DENND6A: variants seen among roughly 807,000 people sequenced by gnomAD.
The protein encoded by DENND6A is DENN domain containing 6A.
In DENND6A, 43 loss-of-function variants were observed where a neutral mutation model predicts 95.5. The ratio of observed to expected loss-of-function variants is 0.45; its 90% CI spans 0.35 to 0.58. The LOEUF (loss-of-function observed/expected upper bound fraction) is 0.58. Ranked by LOEUF, DENND6A falls within the 20% of genes least tolerant of loss-of-function variation. The pLI is 0.00. For synonymous variants in DENND6A, 257 were observed against 260.4 expected (o/e 0.99, Z 0.13); for missense variants, 574 against 736.0 (o/e 0.78, Z 2.55).
chr3:57,673,836 C>G (rs2071661357), intron 1 of DENND6A, among the ~76,000 whole-genome samples: 2 of 152,182 alleles, frequency 1.3e-5, no homozygotes, highest in African/African-American at 2.4e-5. Context: ...CCTCCACCTC[C>G]CAGGTTCAAG....
intron 11 of DENND6A, among the ~76,000 whole-genome samples, chr3:57,644,478 G>C (rs1031680485): frequency 6.6e-6 from 1 of 150,766 alleles, no homozygotes; most frequent in African/African-American, 2.4e-5. Flanking sequence ...GCTAATTTTT[G>C]TATTTTTTTT....
At chr3:57,667,778 C>T (rs1476433837) in intron 3 of DENND6A, among the ~76,000 whole-genome samples, 2 of 152,096 alleles carry the variant, frequency 1.3e-5, no homozygotes, top group Admixed American at 6.6e-5. Flanking sequence ...TAAATTTGGA[C>T]TTTTAGACCA....
chr3:57,682,652 G>C lies in DENND6A; in HGVS notation c.237+10130C>G, dbSNP rs139995077. Among the ~76,000 whole-genome samples, 400 of 151,988 alleles carry C rather than the reference G, an allele frequency of 2.6e-3. 1 individual carries two copies. The highest frequency in any genetic ancestry group is 9.2e-3 in the African/African-American group (383 of 41,480). The stretch of plus-strand genomic sequence containing the variant: ...CACCAGAAATTTTCACTTAGTCTCT[G>C]GACCACTGACTATATGGTTTTTTTT... On this transcript the variant is annotated intron_variant, in intron 1 of 19. Transcript: ENST00000311128.
intron 3 of DENND6A, among the ~76,000 whole-genome samples, chr3:57,669,711 T>A (rs2071583439): frequency 6.8e-6 from 1 of 146,804 alleles, no homozygotes; most frequent in South Asian, 2.2e-4. Flanking sequence ...CGAGACTCCA[T>A]CTCAAAAAAA....
chr3:57,682,895 C>T (rs2077179041), intron 1 of DENND6A, among the ~76,000 whole-genome samples: 1 of 152,158 alleles, frequency 6.6e-6, no homozygotes, highest in Non-Finnish European at 1.5e-5. Flanking sequence ...CCAGGCTGGT[C>T]TCGGACTCCT....
At chr3:57,669,208 A>G (rs968697947) in intron 3 of DENND6A, among the ~76,000 whole-genome samples, 1 of 152,062 alleles carries the variant, frequency 6.6e-6, no homozygotes, top group Non-Finnish European at 1.5e-5. Context: ...AAAAAACCAA[A>G]CTGTATGGAT....
chr3:57,657,619 AAATT>A (rs1181585443), intron 9 of DENND6A, 57 bp downstream of exon 9: 54 of 1,115,804 alleles, frequency 4.8e-5, no homozygotes, highest in Non-Finnish European at 6.7e-5. Context: ...TTTTTTAAAT[AAATT>A]AACACCACCA....
chr3:57,669,013 C>T (rs1401266029), intron 3 of DENND6A, among the ~76,000 whole-genome samples: 1 of 152,082 alleles, frequency 6.6e-6, no homozygotes, highest in Admixed American at 6.6e-5. Flanking sequence ...GCTGGGACTA[C>T]GGGCACACAC....
At chr3:57,692,696 G>C in intron 1 of DENND6A, 86 bp downstream of exon 1, 2 of 1,254,036 alleles carry the variant, frequency 1.6e-6, no homozygotes, top group Non-Finnish European at 2.1e-6. Flanking sequence ...CAGGGTCCTG[G>C]CCGGTCAGCC....
chr3:57,635,167 GA>G (rs544706753), intron 12 of DENND6A, among the ~76,000 whole-genome samples: 176 of 152,262 alleles, frequency 1.2e-3, no homozygotes, highest in African/African-American at 4.1e-3. Context: ...ATTCTTAAAT[GA>G]CTATGCAGAT....
intron 5 of DENND6A, among the ~76,000 whole-genome samples, 173 bp downstream of exon 5, chr3:57,663,463 C>CAAAAAAA (rs1189672713): frequency 1.7e-4 from 9 of 51,950 alleles, no homozygotes; most frequent in East Asian, 1.6e-3. Flanking sequence ...GACTCCACCT[C>CAAAAAAA]AAAAAAAAAA....
chr3:57,649,637 A>T (rs1007970658), intron 9 of DENND6A, among the ~76,000 whole-genome samples: 7 of 148,088 alleles, frequency 4.7e-5, no homozygotes, highest in African/African-American at 1.0e-4. Context: ...AGTGAAAAAA[A>T]AAAAATATAT....
intron 1 of DENND6A, chr3:57,679,435 T>C: frequency 1.1e-6 from 1 of 930,834 alleles, no homozygotes; most frequent in South Asian, 5.0e-5. Context: ...TCTTCTTCAC[T>C]TCAATTTTTT....
intron 1 of DENND6A, 130 bp downstream of exon 1, chr3:57,692,652 A>T: frequency 1.3e-6 from 1 of 792,652 alleles, no homozygotes; most frequent in Non-Finnish European, 1.8e-6. Context: ...AGAGCGCGGG[A>T]GGGGAGACTG....
chr3:57,665,472 A>G (rs916387319), intron 4 of DENND6A, among the ~76,000 whole-genome samples: 1 of 152,182 alleles, frequency 6.6e-6, no homozygotes, highest in Non-Finnish European at 1.5e-5. Flanking sequence ...AACAAATAAC[A>G]GCTATTATTA....
At chr3:57,690,548 G>C (rs1263027969) in intron 1 of DENND6A, among the ~76,000 whole-genome samples, 1 of 151,946 alleles carries the variant, frequency 6.6e-6, no homozygotes, top group Non-Finnish European at 1.5e-5. Context: ...GCTGGGCATG[G>C]TGACATGCAC....
At chr3:57,684,509 C>T (rs2361342) in intron 1 of DENND6A, among the ~76,000 whole-genome samples, 125,911 of 152,114 alleles carry the variant, frequency 0.83, 52,410 homozygotes, top group East Asian at 1. Context: ...CCTATAATCC[C>T]AGCACTTTGG....
intron 15 of DENND6A, among the ~76,000 whole-genome samples, chr3:57,631,711 GCTCT>G (rs1179477061): frequency 2.3e-4 from 34 of 145,500 alleles, no homozygotes; most frequent in East Asian, 8.1e-4. Context: ...TTTGGTCTCT[GCTCT>G]CTTTTTTTTT....
In DENND6A at chr3:57,693,068, G is replaced by C. The variant is rs912997821; in HGVS notation, c.-50C>G. The C allele has an allele frequency of 1.1e-5, 15 of 1,330,712 alleles. No individual in the cohort carries two copies. Among genetic ancestry groups the C allele is most frequent in the African/African-American group, 1.6e-5 (1 of 64,512 alleles). The allele number at this position is 1,330,712 out of a possible 1,614,324, so 82.4% of individuals were successfully genotyped here. ...CGCCTCCACAGCGGACCGCGCCGCA[G>C]AGCGCGCTTGCCTCCGCGCAGGCGC... is the stretch of plus-strand genomic sequence containing the variant. On this transcript the variant is annotated 5_prime_UTR_variant, in exon 1 of 20. Coordinates refer to ENST00000311128, the MANE Select transcript of DENND6A (RefSeq NM_152678.3).
Sources: gnomAD v4.1 joint callset for allele counts (sites outside exome capture counted in the v4.1 genomes callset) on GRCh38, gnomAD v4.1.1 for gene constraint, MANE v1.5 for transcripts, NCBI Gene and HGNC (gene_info 2026-07-23, HGNC 2026-07-21) for gene names.